Variants in TRPC4 observed in about 807,000 individuals in gnomAD.
TRPC4 encodes the protein short transient receptor potential channel 4.
Under a neutral mutation model 99.4 loss-of-function variants are expected in TRPC4, and 49 were observed. The observed-to-expected ratio is 0.49, with a 90% confidence interval of 0.39 to 0.63. TRPC4 has a LOEUF of 0.63. TRPC4 is among the 20% of genes least tolerant of loss of function. The pLI is 0.00. For synonymous variants in TRPC4, 454 were observed against 425.9 expected, an observed-to-expected ratio of 1.07 and a Z score of -0.81; for missense variants, 898 against 1,152.9, an observed-to-expected ratio of 0.78 and a Z score of 3.20.
chr13:37,795,719 CACA>C (rs1345179039), intron 1 of TRPC4, among the ~76,000 whole-genome samples: 3 of 152,168 alleles, frequency 2.0e-5, no homozygotes, highest in African/African-American at 7.2e-5. Context: ...CCTACCATTA[CACA>C]ACAACTTTGC....
chr13:37,832,663 A>G (rs1386286330), intron 1 of TRPC4, among the ~76,000 whole-genome samples: 1 of 152,220 alleles, frequency 6.6e-6, no homozygotes, highest in Admixed American at 6.5e-5. Flanking sequence ...AACGAACAGG[A>G]CATATTAAAA....
At chr13:37,745,445 T>C (rs1477530554) in intron 3 of TRPC4, among the ~76,000 whole-genome samples, 1 of 2,690 alleles carries the variant, frequency 3.7e-4, no homozygotes, top group African/African-American at 6.1e-4. Flanking sequence ...CGTATATATA[T>C]ATATATATAT....
intron 6 of TRPC4, among the ~76,000 whole-genome samples, chr13:37,663,183 T>A (rs183868398): frequency 6.6e-6 from 1 of 152,234 alleles, no homozygotes; most frequent in Non-Finnish European, 1.5e-5. Context: ...CATGAAGTCA[T>A]TTAGAAGAAA....
rs1951487618 is a variant in TRPC4, at chr13:37,635,407, T to C, written c.*1496A>G. 6.6e-6 allele frequency among the ~76,000 whole-genome samples: 1 copy of C among 152,108 alleles called. No homozygotes were observed. The highest frequency in any genetic ancestry group is 6.6e-5 in the Admixed American group (1 of 15,250). ...TACTTCAGAGGGCTGTAAAGAGCAGTACATAAATGTTAACAGGTGTATAGG... is the reference window on the plus strand; with the variant it reads ...TACTTCAGAGGGCTGTAAAGAGCAGCACATAAATGTTAACAGGTGTATAGG... On this transcript the variant is annotated 3_prime_UTR_variant, in exon 11 of 11. Coordinates refer to ENST00000379705, the MANE Select transcript of TRPC4 (RefSeq NM_016179.4).
Position 37,636,983 on chromosome 13 carries a change from C to CT in TRPC4, c.2853dup (p.Glu952ArgfsTer5). On this transcript the variant is annotated frameshift_variant, in exon 11 of 11. Coordinates refer to ENST00000379705, the MANE Select transcript of TRPC4 (RefSeq NM_016179.4). LOFTEE classifies it high-confidence loss of function. ...TCATAGTCTATACTAGAGTCCTCTT[C>CT]TTTTGCATGTTTCTCCTTTGGTATT... 1 of 1,613,752 alleles carries CT rather than the reference C, an allele frequency of 6.2e-7. No homozygotes were observed. The highest frequency in any genetic ancestry group is 8.5e-7 in the Non-Finnish European group (1 of 1,179,770).
At chr13:37,850,132 A>C (rs1959017808) in intron 1 of TRPC4, among the ~76,000 whole-genome samples, 1 of 152,218 alleles carries the variant, frequency 6.6e-6, no homozygotes, top group Non-Finnish European at 1.5e-5. Context: ...ATTTTAGTGA[A>C]AACAGTGAAA....
At chr13:37,824,842 G>T (rs1192463770) in intron 1 of TRPC4, among the ~76,000 whole-genome samples, 1 of 152,024 alleles carries the variant, frequency 6.6e-6, no homozygotes, top group East Asian at 1.9e-4. Context: ...GTTTCAGAAG[G>T]AATGGTACCA....
chr13:37,781,937 A>T (rs1294655954), intron 2 of TRPC4, among the ~76,000 whole-genome samples: 3 of 151,904 alleles, frequency 2.0e-5, no homozygotes, highest in African/African-American at 7.2e-5. Context: ...AAAATGTCAC[A>T]CCTCCTAACA....
chr13:37,820,617 G>A (rs1377102430), intron 1 of TRPC4, among the ~76,000 whole-genome samples: 1 of 152,050 alleles, frequency 6.6e-6, no homozygotes, highest in Non-Finnish European at 1.5e-5. Context: ...TCCCTGCAAT[G>A]CAAGATTGGT....
rs143598524 is a variant in TRPC4 at position 37,807,878 on chromosome 13, G to T, written c.-27-24518C>A. Among the ~76,000 whole-genome samples, 328 of 152,056 alleles carry T rather than the reference G, an allele frequency of 2.2e-3. 2 individuals carry two copies. Among genetic ancestry groups the T allele is most frequent in the African/African-American group, 7.4e-3 (309 of 41,486 alleles). Reference sequence around the variant, plus strand: ...TCTTCCATTAAAGATATAAATTTAGGTTTGCAAATTGTTAATTTTAAGTGT... The same window carrying T: ...TCTTCCATTAAAGATATAAATTTAGTTTTGCAAATTGTTAATTTTAAGTGT... On this transcript the variant is annotated intron_variant, in intron 1 of 10. Transcript: ENST00000379705.
intron 1 of TRPC4, among the ~76,000 whole-genome samples, chr13:37,803,097 T>C (rs1208376920): frequency 6.6e-6 from 1 of 152,112 alleles, no homozygotes; most frequent in Non-Finnish European, 1.5e-5. Context: ...TCTTTGTCCA[T>C]TGGGAGCTTT....
chr13:37,700,903 G>A (rs1355950395), intron 3 of TRPC4, among the ~76,000 whole-genome samples: 1 of 152,110 alleles, frequency 6.6e-6, no homozygotes, highest in African/African-American at 2.4e-5. Context: ...AAGCTCTGCT[G>A]ACTATCTTGG....
Position 37,738,739 on chromosome 13 carries a change from G to A in TRPC4, c.897+7198C>T, listed in dbSNP as rs566471179. On this transcript the variant is annotated intron_variant, in intron 3 of 10. Transcript: ENST00000379705. ...CTAGAAGGGGAAATATTGCAACAAT[G>A]TTATGAATGTTCCCACCTGGCTGAA... Among the ~76,000 whole-genome samples the A allele has an allele frequency of 6.5e-4, 99 of 152,268 alleles. 1 individual carries two copies. The highest frequency in any genetic ancestry group is 2.3e-3 in the African/African-American group (96 of 41,568).
At chr13:37,803,299 C>G (rs1260905922) in intron 1 of TRPC4, among the ~76,000 whole-genome samples, 2 of 152,052 alleles carry the variant, frequency 1.3e-5, no homozygotes, top group African/African-American at 4.8e-5. Context: ...GTTTAGGAAT[C>G]AATATCTGGA....
At chr13:37,781,086 C>T (rs895067789) in intron 2 of TRPC4, among the ~76,000 whole-genome samples, 1 of 151,966 alleles carries the variant, frequency 6.6e-6, no homozygotes, top group African/African-American at 2.4e-5. Context: ...TGAACATCTT[C>T]CAACAAACAC....
chr13:37,756,800 G>A (rs1369946099), intron 2 of TRPC4, among the ~76,000 whole-genome samples: 1 of 151,964 alleles, frequency 6.6e-6, no homozygotes, highest in African/African-American at 2.4e-5. Flanking sequence ...CTCCCAAAGT[G>A]CTGGGATTAC....
intron 3 of TRPC4, among the ~76,000 whole-genome samples, chr13:37,735,597 C>A (rs565746639): frequency 6.6e-6 from 1 of 152,248 alleles, no homozygotes; most frequent in Non-Finnish European, 1.5e-5. Flanking sequence ...ATTGCTAGCA[C>A]TTTCTTGTCA....
chr13:37,693,076 T>TG (rs1953773965), intron 3 of TRPC4, among the ~76,000 whole-genome samples: 1 of 29,736 alleles, frequency 3.4e-5, no homozygotes, highest in African/African-American at 1.2e-4. Context: ...TACTGTATGT[T>TG]AAGGTTACAT....
intron 2 of TRPC4, among the ~76,000 whole-genome samples, chr13:37,767,715 C>T (rs577904421): frequency 9.0e-4 from 136 of 151,354 alleles, no homozygotes; most frequent in Non-Finnish European, 1.4e-3. Flanking sequence ...CTTAATCTTG[C>T]CAGATTGTAC....
Sources: gnomAD v4.1 joint callset for allele counts (sites outside exome capture counted in the v4.1 genomes callset) on GRCh38, gnomAD v4.1.1 for gene constraint, MANE v1.5 for transcripts, NCBI Gene and HGNC (gene_info 2026-07-23, HGNC 2026-07-21) for gene names.